The following ADAMTSL3 variants were observed in gnomAD, a reference collection of about 807,000 sequenced individuals.
The protein encoded by ADAMTSL3 is ADAMTS-like protein 3.
ADAMTSL3 carries 128 observed loss-of-function variants against 201.7 expected under a neutral mutation model. The observed-to-expected ratio is 0.63, with a 90% CI of 0.55 to 0.73. The LOEUF is 0.73. Ranked by LOEUF, ADAMTSL3 falls within the 30% of genes least tolerant of loss-of-function variation. ADAMTSL3 has a pLI of 0.00. For synonymous variants in ADAMTSL3, 738 were observed against 748.4 expected (o/e 0.99, Z 0.23); for missense variants, 1,990 against 2,119.6 (o/e 0.94, Z 1.20).
intron 21 of ADAMTSL3, among the ~76,000 whole-genome samples, chr15:83,984,303 T>C (rs2067437946): frequency 6.6e-6 from 1 of 152,200 alleles, no homozygotes; most frequent in Non-Finnish European, 1.5e-5. Flanking sequence ...AAAATGCAAG[T>C]TTTACTTTTA....
intron 19 of ADAMTSL3, among the ~76,000 whole-genome samples, chr15:83,969,327 C>T (rs2067150098): frequency 6.6e-6 from 1 of 151,954 alleles, no homozygotes; most frequent in Non-Finnish European, 1.5e-5. Flanking sequence ...GCCTGAAATC[C>T]CAGCTACTTG....
At chr15:83,959,206 A>C (rs553448398) in intron 19 of ADAMTSL3, among the ~76,000 whole-genome samples, 2 of 152,328 alleles carry the variant, frequency 1.3e-5, no homozygotes, top group South Asian at 4.1e-4. Flanking sequence ...TGGGTGGATC[A>C]CTTGAGGCCA....
intron 3 of ADAMTSL3, among the ~76,000 whole-genome samples, chr15:83,770,204 G>A (rs2062957714): frequency 6.6e-6 from 1 of 152,072 alleles, no homozygotes; most frequent in African/African-American, 2.4e-5. Context: ...GATTTAATAT[G>A]ATTATCTAAT....
chr15:83,927,106 T>C (rs2066260898), intron 17 of ADAMTSL3, among the ~76,000 whole-genome samples: 1 of 151,656 alleles, frequency 6.6e-6, no homozygotes, highest in African/African-American at 2.4e-5. Flanking sequence ...CATAAATCCT[T>C]TTCTTTCTTT....
chr15:83,967,953 A>G (rs2067120349), intron 19 of ADAMTSL3, among the ~76,000 whole-genome samples: 1 of 152,200 alleles, frequency 6.6e-6, no homozygotes, highest in Admixed American at 6.5e-5. Context: ...TATTTAATAA[A>G]TGGTATTGGG....
intron 3 of ADAMTSL3, among the ~76,000 whole-genome samples, chr15:83,735,522 A>G (rs2062356131): frequency 6.6e-6 from 1 of 152,126 alleles, no homozygotes; most frequent in Admixed American, 6.6e-5. Context: ...CATAGCCTGA[A>G]TAATTATTTT....
At chr15:83,675,053 T>C (rs1452520881) in intron 2 of ADAMTSL3, among the ~76,000 whole-genome samples, 1 of 152,012 alleles carries the variant, frequency 6.6e-6, no homozygotes, top group Non-Finnish European at 1.5e-5. Flanking sequence ...TGTTGGTTGC[T>C]AATACACAGA....
chr15:84,019,723 C>G (rs544788902), intron 25 of ADAMTSL3, among the ~76,000 whole-genome samples: 2 of 152,014 alleles, frequency 1.3e-5, no homozygotes, highest in Non-Finnish European at 2.9e-5. Flanking sequence ...GAAACCCCAT[C>G]TCTACTGAAA....
intron 28 of ADAMTSL3, 122 bp downstream of exon 28, chr15:84,031,554 A>G: frequency 2.5e-6 from 2 of 812,560 alleles, no homozygotes; most frequent in Non-Finnish European, 4.0e-6. Context: ...ACAGTTTTCA[A>G]TTATGATTTA....
intron 3 of ADAMTSL3, among the ~76,000 whole-genome samples, chr15:83,753,089 TGA>T (rs1052535634): frequency 4.6e-5 from 7 of 152,196 alleles, no homozygotes; most frequent in Non-Finnish European, 8.8e-5. Flanking sequence ...TGAATGCTGT[TGA>T]GTCAGTAAGT....
intron 21 of ADAMTSL3, among the ~76,000 whole-genome samples, chr15:83,986,984 A>G (rs544238176): frequency 6.6e-6 from 1 of 152,362 alleles, no homozygotes; most frequent in East Asian, 1.9e-4. Flanking sequence ...AGGTTCACGC[A>G]TGCTCAGCTA....
chr15:83,751,538 T>C (rs2062636868), intron 3 of ADAMTSL3, among the ~76,000 whole-genome samples: 1 of 152,158 alleles, frequency 6.6e-6, no homozygotes, highest in Non-Finnish European at 1.5e-5. Flanking sequence ...GTGTTGGTGC[T>C]TTTTTTCTGA....
chr15:83,875,465 C>T (rs1361417584), intron 9 of ADAMTSL3, among the ~76,000 whole-genome samples: 1 of 152,220 alleles, frequency 6.6e-6, no homozygotes, highest in Non-Finnish European at 1.5e-5. Context: ...CTGCCACTAG[C>T]AAGGCAAATG....
intron 17 of ADAMTSL3, among the ~76,000 whole-genome samples, chr15:83,938,966 A>T (rs2066508083): frequency 6.6e-6 from 1 of 152,120 alleles, no homozygotes; most frequent in Admixed American, 6.5e-5. Flanking sequence ...GGATGCGCTA[A>T]TTCAAATTAA....
chr15:83,858,857 CT>C lies in ADAMTSL3; in HGVS notation c.802+19del. ...CCCACCTCTGTAAGTAGAATTTAAT[CT>C]TAACATTTTTTAATATCCTGAAAGT... On this transcript the variant is annotated intron_variant, in intron 8 of 29. Coordinates refer to ENST00000286744, the MANE Select transcript of ADAMTSL3 (RefSeq NM_207517.3). The C allele has an allele frequency of 6.3e-7, 1 of 1,581,006 alleles. No homozygotes were observed. The highest frequency in any genetic ancestry group is 8.6e-7 in the Non-Finnish European group (1 of 1,161,818).
chr15:83,669,784 G>C (rs1386128097), intron 2 of ADAMTSL3, among the ~76,000 whole-genome samples: 4 of 151,308 alleles, frequency 2.6e-5, no homozygotes, highest in African/African-American at 9.7e-5. Context: ...GAGTATTTTT[G>C]AAAAATAATC....
chr15:83,900,852 G>C (rs2065710042), intron 15 of ADAMTSL3, among the ~76,000 whole-genome samples: 1 of 152,188 alleles, frequency 6.6e-6, no homozygotes, highest in Non-Finnish European at 1.5e-5. Flanking sequence ...GAAGAAAGCT[G>C]CCATGGATCC....
intron 21 of ADAMTSL3, among the ~76,000 whole-genome samples, chr15:83,985,384 AT>A (rs1460311439): frequency 1.3e-5 from 2 of 150,434 alleles, no homozygotes; most frequent in African/African-American, 2.4e-5. Flanking sequence ...CATTTAAAAA[AT>A]ATATATATAT....
chr15:83,790,791 A>G (rs1277594349), intron 4 of ADAMTSL3, among the ~76,000 whole-genome samples: 3 of 152,192 alleles, frequency 2.0e-5, no homozygotes, highest in African/African-American at 7.2e-5. Context: ...AAAACTAACA[A>G]GTGAGTCTGG....
Sources: allele counts gnomAD v4.1 joint callset (sites outside exome capture counted in the v4.1 genomes callset), GRCh38; gene constraint gnomAD v4.1.1; transcripts MANE v1.5; gene names NCBI Gene and HGNC (gene_info 2026-07-23, HGNC 2026-07-21).